Variants in CHPF observed in about 807,000 individuals in gnomAD.
The protein encoded by CHPF is chondroitin polymerizing factor.
CHPF carries 34 observed loss-of-function variants against 55.1 expected under a neutral mutation model. The observed-to-expected ratio is 0.62, with a 90% CI of 0.47 to 0.82. The LOEUF is 0.82. CHPF is among the 40% of genes least tolerant of loss of function. CHPF has a pLI of 0.00. For missense variants in CHPF, 961 were observed against 1,106.1 expected (o/e 0.87, Z 1.86); for synonymous variants, 489 against 496.6 (o/e 0.98, Z 0.20).
Position 219,540,286 on chromosome 2 carries a change from C to G in CHPF, c.1425G>C (p.Gln475His). The change falls in exon 4 of 4, where the codon CAG becomes CAC. Residue 475 changes from glutamine to histidine, a missense_variant. Coordinates refer to ENST00000243776, the MANE Select transcript of CHPF (RefSeq NM_024536.6). ...LDLQLEALTPQGGRRPLTRRV... is the reference protein window; with the variant it reads ...LDLQLEALTPHGGRRPLTRRV... ...GGCGAGTGAGGGGCCGGCGGCCTCC[C>G]TGGGGGGTCAGTGCCTCCAGCTGCA... 1 of 1,613,856 alleles carries G rather than the reference C, an allele frequency of 6.2e-7. No individual in the cohort carries two copies. Among genetic ancestry groups the G allele is most frequent in the Non-Finnish European group, 8.5e-7 (1 of 1,179,914 alleles).
At chr2:219,540,741 C>T in intron 3 of CHPF, 99 bp from the exon 4 acceptor site, 2 of 1,320,816 alleles carry the variant, frequency 1.5e-6, no homozygotes, top group Admixed American at 2.4e-5. Context: ...AGGATGGGCC[C>T]CTCATCCCCT....
In CHPF at chr2:219,539,150, C is replaced by T. The variant is rs1382212139; in HGVS notation, c.*233G>A. On this transcript the variant is annotated 3_prime_UTR_variant, in exon 4 of 4. Transcript: ENST00000243776. ...TGGAGGCCACAGCCCGAATCAGCAGCGTCAGGGGGCAGGGAAACTGGGTTT... is the reference window on the plus strand; with the variant it reads ...TGGAGGCCACAGCCCGAATCAGCAGTGTCAGGGGGCAGGGAAACTGGGTTT... 1.3e-5 allele frequency: 7 copies of T among 548,266 alleles called. No individual in the cohort carries two copies. The highest frequency in any genetic ancestry group is 2.9e-5 in the East Asian group (1 of 33,936). 34.0% of individuals were successfully genotyped at this position (548,266 alleles called of 1,614,324 possible). A position where few individuals can be genotyped will look rare whatever the true frequency, so the allele number is the denominator to read the frequency against.
rs137926358 is a variant in CHPF at position 219,539,506 on chromosome 2, C to T, written c.2205G>A (p.Thr735=). The T allele has an allele frequency of 6.3e-5, 102 of 1,613,614 alleles. No individual in the cohort carries two copies. The highest frequency in any genetic ancestry group is 7.4e-5 in the Non-Finnish European group (87 of 1,179,908). The change falls in exon 4 of 4, where the codon ACG becomes ACA. Residue 735 remains threonine (T), a synonymous_variant. Transcript: ENST00000243776. ...GGTCCTCACTGAGCCTCGCGCTGCA[C>T]GTCTGGGCCCGGTAGCGCTGCAGCA... ...PALLQRYRAQ[T]CSARLSEDLY...
rs115041685 is a variant in CHPF, at chr2:219,542,445, G to A, written c.315-256C>T. On this transcript the variant is annotated intron_variant, in intron 1 of 3. Transcript: ENST00000243776. The stretch of plus-strand genomic sequence containing the variant: ...AGAGATATTGTGGGTCTGACTCCGG[G>A]GTTCGCTACTTAGTAGTTATGTCCT... Among the ~76,000 whole-genome samples the A allele has an allele frequency of 7.1e-3, 1,077 of 152,184 alleles. 13 individuals carry two copies. The highest frequency in any genetic ancestry group is 0.025 in the African/African-American group (1,026 of 41,514).
rs1324352210 is a variant in CHPF, at chr2:219,543,805, A to C, written c.-267T>G. 1.1e-5 allele frequency: 5 copies of C among 443,186 alleles called. No homozygotes were observed. The highest frequency in any genetic ancestry group is 2.0e-5 in the Non-Finnish European group (5 of 250,234). The allele number at this position is 443,186 out of a possible 1,614,324, so 27.5% of individuals were successfully genotyped here. Reference sequence around the variant, plus strand: ...CGCGGCCGCAGCTGTCCGACGTGTCACTGCAAGGGCCCCGCCCCCGGGGTG... The same window carrying C: ...CGCGGCCGCAGCTGTCCGACGTGTCCCTGCAAGGGCCCCGCCCCCGGGGTG... On this transcript the variant is annotated 5_prime_UTR_variant, in exon 1 of 4. Coordinates refer to ENST00000243776, the MANE Select transcript of CHPF (RefSeq NM_024536.6).
Position 219,540,622 on chromosome 2 carries a change from G to A in CHPF, c.1089C>T (p.Ser363=), listed in dbSNP as rs190174015. The change falls in exon 4 of 4, where the codon AGC becomes AGT. Residue 363 remains serine, a synonymous_variant. Transcript: ENST00000243776. The part of the protein sequence containing the change: ...QELQWEIQNT[S]HLAVDGDQAA... ...CCTGGTCCCCATCAACGGCCAGATG[G>A]CTGGTATTCTGGATCTCCCACTGGA... The A allele has an allele frequency of 1.2e-6, 2 of 1,603,246 alleles. No individual in the cohort carries two copies. Among genetic ancestry groups the A allele is most frequent in the East Asian group, 2.2e-5 (1 of 44,574 alleles).
chr2:219,542,228 CGGGGCGGGGGGTGGG>C, intron 1 of CHPF, 39 bp from the exon 2 acceptor site: 1 of 746,352 alleles, frequency 1.3e-6, no homozygotes, highest in South Asian at 6.3e-5. Flanking sequence ...AAAAGGACAA[CGGGGCGGGGGGTGGG>C]GGGGAGGTGG....
chr2:219,542,224 A>AAC, intron 1 of CHPF, 35 bp from the exon 2 acceptor site: 1 of 347,918 alleles, frequency 2.9e-6, no homozygotes, highest in Non-Finnish European at 4.6e-6. Context: ...TATCAAAAGG[A>AAC]CAACGGGGCG....
At chr2:219,540,770 C>A (rs1225005795) in intron 3 of CHPF, 128 bp from the exon 4 acceptor site, 1 of 1,265,648 alleles carries the variant, frequency 7.9e-7, no homozygotes, top group East Asian at 2.5e-5. Flanking sequence ...CTGCCCATAC[C>A]TATCATTTCC....
rs777118819 is a variant in CHPF, at chr2:219,543,348, G to A, written c.191C>T (p.Ser64Leu). 8.3e-6 allele frequency: 13 copies of A among 1,565,428 alleles called. No homozygotes were observed. Among genetic ancestry groups the A allele is most frequent in the Middle Eastern group, 1.9e-4 (1 of 5,136 alleles). Residue 64 changes from serine to leucine, a missense_variant, in exon 1 of 4, where the codon TCG becomes TTG. Ser to Leu is a moderately radical substitution (Grantham distance 145). Coordinates refer to ENST00000243776, the MANE Select transcript of CHPF (RefSeq NM_024536.6). ...GNTNAARRPN[S>L]VQPGAEREKP... ...CTCGCGCTCCGCTCCGGGCTGCACC[G>A]AGTTGGGCCGGCGCGCCGCGTTGGT...
chr2:219,541,174 G>C, intron 2 of CHPF, 49 bp from the exon 3 acceptor site: 4 of 1,498,106 alleles, frequency 2.7e-6, no homozygotes, highest in Non-Finnish European at 3.6e-6. Context: ...ATTGTCTTCC[G>C]TTGTCTCATA....
rs1306217291 is a variant in CHPF at position 219,539,587 on chromosome 2, G to A, written c.2124C>T (p.Tyr708=). Residue 708 remains tyrosine (Y), a synonymous_variant, in exon 4 of 4, where the codon TAC becomes TAT. Coordinates refer to ENST00000243776, the MANE Select transcript of CHPF (RefSeq NM_024536.6). The stretch of plus-strand genomic sequence containing the variant: ...GACTGGAGAAGTGGAGGAACAGCTC[G>A]TACACATCCAGGCTCTCCAGCAGCT... ...EEELLESLDV[Y]ELFLHFSSLH... is the part of the protein sequence containing the mutation. The A allele has an allele frequency of 6.2e-6, 10 of 1,613,804 alleles. No individual in the cohort carries two copies. Among genetic ancestry groups the A allele is most frequent in the African/African-American group, 1.3e-5 (1 of 74,952 alleles).
At position 219,541,130 on chromosome 2, in the gene CHPF, G is replaced by A; in HGVS notation, c.889-5C>T. 6.3e-7 allele frequency: 1 copy of A among 1,580,374 alleles called. No individual in the cohort carries two copies. The highest frequency in any genetic ancestry group is 8.6e-7 in the Non-Finnish European group (1 of 1,165,742). ...CAGATGGCTATAGTGCACCCCCTGG[G>A]GAGAGGAAGGGAAGGGATCTGTGAT... On this transcript the variant is annotated splice_region_variant and splice_polypyrimidine_tract_variant and intron_variant, in intron 2 of 3. Coordinates refer to ENST00000243776, the MANE Select transcript of CHPF (RefSeq NM_024536.6).
In CHPF at chr2:219,540,507, C is replaced by T. The variant is rs113902162; in HGVS notation, c.1204G>A (p.Ala402Thr). ...LRWDYFTEQH[A>T]FSCADGSPRC... ...GGTGAGCCATCGGCGCAGGAGAAAG[C>T]GTGCTGCTCCGTGAAGTAGTCCCAG... Residue 402 changes from alanine (A) to threonine (T), a missense_variant, in exon 4 of 4, where the codon GCT becomes ACT. Coordinates refer to ENST00000243776, the MANE Select transcript of CHPF (RefSeq NM_024536.6). The T allele has an allele frequency of 1.4e-3, 2,325 of 1,614,034 alleles. 22 individuals are homozygous for T. The African/African-American group carries it at 0.028, about 19-fold the overall frequency.
chr2:219,542,856 G>C, intron 1 of CHPF: 3 of 1,046,776 alleles, frequency 2.9e-6, no homozygotes, highest in Non-Finnish European at 3.5e-6. Flanking sequence ...TCAGGAACAA[G>C]AGATCCAGGT....
In CHPF at chr2:219,541,841, G is replaced by A; in HGVS notation, c.663C>T (p.Ala221=). The change falls in exon 2 of 4, where the codon GCC becomes GCT. Residue 221 remains alanine, a synonymous_variant. Transcript: ENST00000243776. Reference sequence around the variant, plus strand: ...GGGGCCGGCCCAGGTACAGGTGGGCGGCGGAGGCCAGGCTGAGGTGGCCAG... The same window carrying A: ...GGGGCCGGCCCAGGTACAGGTGGGCAGCGGAGGCCAGGCTGAGGTGGCCAG... ...RLTGHLSLAS[A]AHLYLGRPQD... is the part of the protein sequence containing the mutation. 3 of 1,609,784 alleles carry A rather than the reference G, an allele frequency of 1.9e-6. No homozygotes were observed. The highest frequency in any genetic ancestry group is 2.5e-6 in the Non-Finnish European group (3 of 1,178,226).
chr2:219,540,782 C>T, intron 3 of CHPF, 140 bp from the exon 4 acceptor site: 1 of 1,269,732 alleles, frequency 7.9e-7, no homozygotes, highest in East Asian at 2.5e-5. Flanking sequence ...ATCATTTCCC[C>T]AGCATAGACA....
chr2:219,539,909 A>T lies in CHPF; in HGVS notation c.1802T>A (p.Leu601His). The T allele has an allele frequency of 6.2e-7, 1 of 1,613,654 alleles. No individual in the cohort carries two copies. Residue 601 changes from leucine (L) to histidine (H), a missense_variant, in exon 4 of 4, where the codon CTC becomes CAC. Coordinates refer to ENST00000243776, the MANE Select transcript of CHPF (RefSeq NM_024536.6). The stretch of plus-strand genomic sequence containing the variant: ...TGTGTCCAGCGGGTGCTTCTTGGAG[A>T]GTAGATCCATGAGGCGCAGTGGTGA... Reference protein sequence around the residue: ...APSPLRLMDLLSKKHPLDTLF... With the variant: ...APSPLRLMDLHSKKHPLDTLF...
chr2:219,541,003 G>C lies in CHPF; in HGVS notation c.1011C>G (p.His337Gln). The C allele has an allele frequency of 6.2e-7, 1 of 1,613,990 alleles. No individual in the cohort carries two copies. The highest frequency in any genetic ancestry group is 2.2e-5 in the East Asian group (1 of 44,888). Reference sequence around the variant, plus strand: ...CCAGTTCAGCTCGGGCGAAAGCTTTGTGCAGCTGGTACATGTGCACAGGGT... The same window carrying C: ...CCAGTTCAGCTCGGGCGAAAGCTTTCTGCAGCTGGTACATGTGCACAGGGT... ...VRDPVHMYQL[H>Q]KAFARAELER... The change falls in exon 3 of 4, where the codon CAC (histidine) becomes CAG (glutamine). Residue 337 changes from histidine to glutamine, a missense_variant. Physicochemically the swap from His to Gln is conservative, Grantham distance 24. Coordinates refer to ENST00000243776, the MANE Select transcript of CHPF (RefSeq NM_024536.6).
Sources: allele counts gnomAD v4.1 joint callset (sites outside exome capture counted in the v4.1 genomes callset), GRCh38; gene constraint gnomAD v4.1.1; transcripts MANE v1.5; gene names NCBI Gene and HGNC (gene_info 2026-07-23, HGNC 2026-07-21).